Variants in PPP3CC observed in about 807,000 individuals in gnomAD.
PPP3CC encodes protein phosphatase 3 catalytic subunit gamma.
In PPP3CC, 35 loss-of-function variants were observed where a neutral mutation model predicts 60.3. The observed-to-expected ratio is 0.58, with a 90% CI of 0.44 to 0.77. PPP3CC has a LOEUF of 0.77. Among genes scored for constraint, PPP3CC ranks in the 30% least tolerant of loss-of-function variants. The pLI, the probability that PPP3CC is intolerant of heterozygous loss-of-function variation, is 0.00. For missense variants in PPP3CC, 570 were observed against 628.9 expected (o/e 0.91, Z 1.00); for synonymous variants, 206 against 224.3 (o/e 0.92, Z 0.73).
chr8:22,486,055 C>T (rs188090606), intron 3 of PPP3CC, among the ~76,000 whole-genome samples: 1 of 151,662 alleles, frequency 6.6e-6, no homozygotes, highest in African/African-American at 2.4e-5. Flanking sequence ...TGCTTCCCCC[C>T]CGCCCTCTTG....
chr8:22,460,347 A>G (rs1250378194), intron 1 of PPP3CC, among the ~76,000 whole-genome samples: 1 of 152,052 alleles, frequency 6.6e-6, no homozygotes, highest in Middle Eastern at 3.2e-3. Flanking sequence ...AAAATTTCAA[A>G]GAATTTTTTG....
chr8:22,479,419 T>G (rs981777316), intron 3 of PPP3CC, among the ~76,000 whole-genome samples: 2 of 152,176 alleles, frequency 1.3e-5, no homozygotes, highest in Non-Finnish European at 2.9e-5. Context: ...TCTGATCTTC[T>G]TTTTCCACTC....
At chr8:22,442,698 T>A in intron 1 of PPP3CC, among the ~76,000 whole-genome samples, 1 of 152,336 alleles carries the variant, frequency 6.6e-6, no homozygotes, top group South Asian at 2.1e-4. Flanking sequence ...TAAATGTGTC[T>A]TCATATTATT....
At chr8:22,494,978 G>A (rs956176563) in intron 3 of PPP3CC, among the ~76,000 whole-genome samples, 13 of 151,970 alleles carry the variant, frequency 8.6e-5, no homozygotes, top group African/African-American at 2.7e-4. Context: ...GTCTCACTCC[G>A]TCACCCAGGT....
At chr8:22,518,730 A>C (rs1309730139) in intron 6 of PPP3CC, among the ~76,000 whole-genome samples, 1 of 152,162 alleles carries the variant, frequency 6.6e-6, no homozygotes, top group African/African-American at 2.4e-5. Flanking sequence ...TCTGTCGCCC[A>C]GGCTGGAGTA....
chr8:22,512,741 G>C (rs1367314149), intron 5 of PPP3CC, among the ~76,000 whole-genome samples: 2 of 152,152 alleles, frequency 1.3e-5, no homozygotes, highest in Non-Finnish European at 2.9e-5. Flanking sequence ...ATGTAAGAGG[G>C]TCTTTTACTA....
intron 1 of PPP3CC, among the ~76,000 whole-genome samples, chr8:22,455,917 C>T (rs1414870110): frequency 1.3e-5 from 2 of 152,210 alleles, no homozygotes; most frequent in Non-Finnish European, 2.9e-5. Context: ...AGAAGCTGAT[C>T]AGATCATGGA....
chr8:22,466,058 A>G (rs923549837), intron 1 of PPP3CC, among the ~76,000 whole-genome samples: 11 of 152,048 alleles, frequency 7.2e-5, no homozygotes, highest in Non-Finnish European at 8.8e-5. Flanking sequence ...TCATTGTTCA[A>G]TTCCCACCCA....
intron 1 of PPP3CC, among the ~76,000 whole-genome samples, chr8:22,460,941 G>A (rs997847403): frequency 6.6e-6 from 1 of 152,110 alleles, no homozygotes; most frequent in African/African-American, 2.4e-5. Flanking sequence ...CACCTCCCAG[G>A]TTCAAGTGAT....
chr8:22,538,516 T>G (rs1839893071), intron 12 of PPP3CC, among the ~76,000 whole-genome samples: 1 of 152,228 alleles, frequency 6.6e-6, no homozygotes, highest in South Asian at 2.1e-4. Context: ...TATTGATATA[T>G]AAAGCCTTGG....
At chr8:22,451,263 G>A (rs1441251729) in intron 1 of PPP3CC, among the ~76,000 whole-genome samples, 2 of 152,028 alleles carry the variant, frequency 1.3e-5, no homozygotes, top group Non-Finnish European at 2.9e-5. Context: ...AGCCTCCCGA[G>A]TAGCTGGGAT....
intron 1 of PPP3CC, among the ~76,000 whole-genome samples, chr8:22,452,992 A>G (rs192967107): frequency 6.7e-4 from 102 of 152,340 alleles, no homozygotes; most frequent in African/African-American, 2.4e-3. Context: ...TTAGGTGCTT[A>G]GTAAATATTT....
chr8:22,490,381 C>T (rs1838364283), intron 3 of PPP3CC, among the ~76,000 whole-genome samples: 4 of 152,084 alleles, frequency 2.6e-5, no homozygotes, highest in African/African-American at 9.7e-5. Context: ...ATGAATGTGA[C>T]CATACTTTGA....
At chr8:22,466,881 AC>A (rs1192787890) in intron 1 of PPP3CC, among the ~76,000 whole-genome samples, 1 of 152,022 alleles carries the variant, frequency 6.6e-6, no homozygotes, top group African/African-American at 2.4e-5. Flanking sequence ...AGCTGGGAGT[AC>A]AGGCAGATGC....
chr8:22,441,602 C>T (rs1836673550), intron 1 of PPP3CC, 144 bp downstream of exon 1: 4 of 914,152 alleles, frequency 4.4e-6, no homozygotes, highest in South Asian at 3.2e-5. Context: ...GGGCGGCAGC[C>T]TCCGAGAGCA....
chr8:22,482,982 A>G (rs1013931244), intron 3 of PPP3CC, among the ~76,000 whole-genome samples: 3 of 152,330 alleles, frequency 2.0e-5, no homozygotes, highest in Admixed American at 1.3e-4. Context: ...AAGCAAAAAG[A>G]TACGCTTTTT....
At chr8:22,464,976 CTT>C (rs59235298) in intron 1 of PPP3CC, among the ~76,000 whole-genome samples, 53 of 135,138 alleles carry the variant, frequency 3.9e-4, no homozygotes, top group South Asian at 2.4e-4. Context: ...TAGACTCTCC[CTT>C]TTTTTTTTTT....
chr8:22,451,291 A>G (rs1169707387), intron 1 of PPP3CC, among the ~76,000 whole-genome samples: 1 of 151,788 alleles, frequency 6.6e-6, no homozygotes, highest in Non-Finnish European at 1.5e-5. Context: ...GCATGCCACC[A>G]CGCCCAGCTA....
intron 6 of PPP3CC, among the ~76,000 whole-genome samples, chr8:22,520,108 AG>A (rs1839365119): frequency 1.2e-4 from 1 of 8,618 alleles, no homozygotes; most frequent in African/African-American, 1.2e-3. Context: ...CCTGGTTGGC[AG>A]GTTTTTTTTT....
Sources: gnomAD v4.1 joint callset for allele counts (sites outside exome capture counted in the v4.1 genomes callset) on GRCh38, gnomAD v4.1.1 for gene constraint, MANE v1.5 for transcripts, NCBI Gene and HGNC (gene_info 2026-07-23, HGNC 2026-07-21) for gene names.